Variants in ATP6V0A4 observed in about 807,000 individuals in gnomAD.
ATP6V0A4 encodes ATPase H+ transporting V0 subunit a4.
Under a neutral mutation model 107.3 loss-of-function variants are expected in ATP6V0A4, and 86 were observed. That is an observed-to-expected ratio of 0.80 (90% CI 0.67 to 0.96). ATP6V0A4 has a LOEUF of 0.96. Among genes scored for constraint, ATP6V0A4 ranks in the 40% least tolerant of loss-of-function variants. The pLI, the probability that ATP6V0A4 is intolerant of heterozygous loss-of-function variation, is 0.00. For synonymous variants in ATP6V0A4, 353 were observed against 381.4 expected, an observed-to-expected ratio of 0.93 and a Z score of 0.87; for missense variants, 908 against 1,045.6, an observed-to-expected ratio of 0.87 and a Z score of 1.81.
At chr7:138,768,955 G>A (rs761403032) in intron 4 of ATP6V0A4, 81 bp from the exon 5 acceptor site, 27 of 1,592,456 alleles carry the variant, frequency 1.7e-5, no homozygotes, top group Admixed American at 9.0e-5. Flanking sequence ...CAAGACATGT[G>A]CCTTTCACTC....
At position 138,709,760 on chromosome 7, in the gene ATP6V0A4, T is replaced by C. The variant is rs200759459; in HGVS notation, c.2293A>G (p.Ser765Gly). 4.0e-5 allele frequency: 65 copies of C among 1,614,120 alleles called. No homozygotes were observed. In the African/African-American group the frequency reaches 8.1e-4, roughly 20 times the overall value. Residue 765 changes from serine to glycine, a missense_variant, in exon 21 of 22, where the codon AGC becomes GGC. By Grantham distance (56) the Ser-to-Gly change is moderately conservative (BLOSUM62 0). Coordinates refer to ENST00000310018, the MANE Select transcript of ATP6V0A4 (RefSeq NM_020632.3). ...SEVLWTMVMNSGLQTRGWGGI... is the reference protein window; with the variant it reads ...SEVLWTMVMNGGLQTRGWGGI... ...CCCCAGCCTCGCGTCTGAAGGCCGCTGTTCATCACCATAGTCCAGAGCACT... is the reference window on the plus strand; with the variant it reads ...CCCCAGCCTCGCGTCTGAAGGCCGCCGTTCATCACCATAGTCCAGAGCACT...
At chr7:138,776,081 G>A (rs1221522183) in intron 2 of ATP6V0A4, among the ~76,000 whole-genome samples, 3 of 152,174 alleles carry the variant, frequency 2.0e-5, no homozygotes, top group African/African-American at 4.8e-5. Flanking sequence ...CCAAAGTGCT[G>A]GGATTACAGG....
At chr7:138,743,505 G>T (rs1328688694) in intron 14 of ATP6V0A4, among the ~76,000 whole-genome samples, 2 of 151,778 alleles carry the variant, frequency 1.3e-5, no homozygotes, top group Non-Finnish European at 1.5e-5. Flanking sequence ...ATAAACCCAG[G>T]ATTGAATCTT....
At chr7:138,796,860 T>G (rs1808691808) in intron 1 of ATP6V0A4, among the ~76,000 whole-genome samples, 1 of 150,412 alleles carries the variant, frequency 6.6e-6, no homozygotes, top group Non-Finnish European at 1.5e-5. Flanking sequence ...GGATGAGACC[T>G]TTTATATACA....
At chr7:138,767,348 C>T (rs998036304) in intron 5 of ATP6V0A4, among the ~76,000 whole-genome samples, 1 of 152,106 alleles carries the variant, frequency 6.6e-6, no homozygotes, top group Admixed American at 6.6e-5. Context: ...CATGGTGAAA[C>T]CCTGTCTCTA....
intron 11 of ATP6V0A4, among the ~76,000 whole-genome samples, chr7:138,750,204 C>T (rs1030659056): frequency 6.6e-6 from 1 of 152,168 alleles, no homozygotes; most frequent in Non-Finnish European, 1.5e-5. Flanking sequence ...CCCATGGAAA[C>T]TGGCCATGTC....
chr7:138,785,257 A>G (rs779779770), intron 2 of ATP6V0A4, among the ~76,000 whole-genome samples: 4 of 151,136 alleles, frequency 2.6e-5, no homozygotes, highest in Non-Finnish European at 2.9e-5. Flanking sequence ...CTCAAACTGA[A>G]TACTTCTCAC....
chr7:138,732,275 AT>A (rs201758543), intron 17 of ATP6V0A4, among the ~76,000 whole-genome samples: 8 of 151,538 alleles, frequency 5.3e-5, no homozygotes, highest in Admixed American at 1.3e-4. Flanking sequence ...TTGAAGGGTT[AT>A]TTTTTTTTCT....
At chr7:138,748,695 C>A (rs1021315972) in intron 12 of ATP6V0A4, among the ~76,000 whole-genome samples, 3 of 152,140 alleles carry the variant, frequency 2.0e-5, no homozygotes, top group Non-Finnish European at 4.4e-5. Context: ...CGTGAGCCAC[C>A]AAACCCAGCC....
In ATP6V0A4 at chr7:138,709,609, G is replaced by C. The variant is rs375581031; in HGVS notation, c.2429+15C>G. ...CCAACACCACATTGAGCTTCCAGGG[G>C]ACAACCATCCTTACCAGTGCAGTCG... is the stretch of plus-strand genomic sequence containing the variant. On this transcript the variant is annotated intron_variant, in intron 21 of 21. Transcript: ENST00000310018. 1.8e-5 allele frequency: 29 copies of C among 1,610,862 alleles called. No homozygotes were observed. The highest frequency in any genetic ancestry group is 2.3e-5 in the Non-Finnish European group (27 of 1,178,100).
intron 5 of ATP6V0A4, among the ~76,000 whole-genome samples, chr7:138,763,965 T>C (rs1259112470): frequency 7.9e-6 from 1 of 125,814 alleles, no homozygotes; most frequent in African/African-American, 3.3e-5. Flanking sequence ...AGACTCTGTC[T>C]CAAAAAAAAA....
intron 1 of ATP6V0A4, among the ~76,000 whole-genome samples, chr7:138,795,807 ATTTT>A (rs1399499609): frequency 7.7e-6 from 1 of 129,920 alleles, no homozygotes; most frequent in Admixed American, 8.5e-5. Context: ...TACCCAAGTA[ATTTT>A]TTTGTGTTTT....
chr7:138,728,981 C>T, intron 17 of ATP6V0A4, 119 bp from the exon 18 acceptor site: 1 of 1,568,886 alleles, frequency 6.4e-7, no homozygotes, highest in South Asian at 1.1e-5. Context: ...AGATCTAAAG[C>T]ATTTCAATGA....
chr7:138,758,832 C>A (rs1477538519), intron 8 of ATP6V0A4, among the ~76,000 whole-genome samples: 3 of 145,396 alleles, frequency 2.1e-5, no homozygotes, highest in Non-Finnish European at 4.5e-5. Context: ...CTCACTGCAA[C>A]CTCCGCCTCT....
intron 5 of ATP6V0A4, among the ~76,000 whole-genome samples, chr7:138,767,876 G>A (rs1807173076): frequency 6.6e-6 from 1 of 152,168 alleles, no homozygotes; most frequent in Admixed American, 6.6e-5. Context: ...GGAGGGCACA[G>A]TCATGTTTAT....
At chr7:138,759,624 G>T in intron 8 of ATP6V0A4, 128 bp downstream of exon 8, 1 of 1,034,066 alleles carries the variant, frequency 9.7e-7, no homozygotes, top group Non-Finnish European at 1.4e-6. Context: ...AGGAAAAAAA[G>T]GAGAAAAAAA....
intron 21 of ATP6V0A4, among the ~76,000 whole-genome samples, chr7:138,709,231 A>AT (rs1562974198): frequency 6.7e-6 from 1 of 149,594 alleles, no homozygotes; most frequent in Non-Finnish European, 1.5e-5. Context: ...AAAAAAAAAA[A>AT]GCCAAATATT....
intron 14 of ATP6V0A4, among the ~76,000 whole-genome samples, chr7:138,740,098 GAA>G (rs71520026): frequency 2.2e-5 from 3 of 133,402 alleles, no homozygotes; most frequent in Non-Finnish European, 4.7e-5. Context: ...CTGTTGAAAG[GAA>G]AAAAAAAAAA....
intron 14 of ATP6V0A4, among the ~76,000 whole-genome samples, chr7:138,743,457 C>CAAAA (rs11458268): frequency 8.0e-6 from 1 of 125,352 alleles, no homozygotes; most frequent in East Asian, 2.2e-4. Context: ...GACTCCATCT[C>CAAAA]AAAAAAAAAA....
Sources: gnomAD v4.1 joint callset for allele counts (sites outside exome capture counted in the v4.1 genomes callset) on GRCh38, gnomAD v4.1.1 for gene constraint, MANE v1.5 for transcripts, NCBI Gene and HGNC (gene_info 2026-07-23, HGNC 2026-07-21) for gene names.